The following SYCP1 variants were observed in gnomAD, a reference collection of about 807,000 sequenced individuals.
The protein encoded by SYCP1 is cancer/testis antigen 8.
Under a neutral mutation model 153.1 loss-of-function variants are expected in SYCP1, and 64 were observed. The ratio of observed to expected loss-of-function variants is 0.42; its 90% CI spans 0.34 to 0.51. The LOEUF (loss-of-function observed/expected upper bound fraction) is 0.51. SYCP1 is among the 20% of genes least tolerant of loss of function. SYCP1 has a pLI of 0.06. For synonymous variants in SYCP1, 384 were observed against 341.8 expected (o/e 1.12, Z -1.36); for missense variants, 997 against 1,049.0 (o/e 0.95, Z 0.68).
At chr1:114,907,250 T>A (rs1184006638) in intron 16 of SYCP1, among the ~76,000 whole-genome samples, 1 of 152,186 alleles carries the variant, frequency 6.6e-6, no homozygotes, top group African/African-American at 2.4e-5. Flanking sequence ...TGGGTCTTCT[T>A]TCTTTATGCA....
chr1:114,901,479 C>A (rs1255507876), intron 16 of SYCP1, among the ~76,000 whole-genome samples: 1 of 152,044 alleles, frequency 6.6e-6, no homozygotes, highest in Non-Finnish European at 1.5e-5. Flanking sequence ...CAAGGCAGTG[C>A]GTGGAGGGGA....
At chr1:114,963,094 C>T (rs12142632) in intron 27 of SYCP1, among the ~76,000 whole-genome samples, 30,239 of 152,122 alleles carry the variant, frequency 0.2, 3,483 homozygotes, top group Non-Finnish European at 0.26. Flanking sequence ...TGCCTCACAG[C>T]TCTTAAGATT....
At chr1:114,955,104 A>T (rs963300214) in intron 27 of SYCP1, among the ~76,000 whole-genome samples, 2 of 152,204 alleles carry the variant, frequency 1.3e-5, no homozygotes, top group Non-Finnish European at 2.9e-5. Context: ...GAGTTTTTAA[A>T]AATCGTGAAT....
chr1:114,950,926 G>A (rs973894232), intron 27 of SYCP1, among the ~76,000 whole-genome samples: 1 of 151,284 alleles, frequency 6.6e-6, no homozygotes, highest in African/African-American at 2.4e-5. Context: ...CCGGGTTCAC[G>A]CCATTCTCCT....
chr1:114,943,187 A>T (rs1268406046), intron 23 of SYCP1, among the ~76,000 whole-genome samples: 2 of 151,972 alleles, frequency 1.3e-5, no homozygotes, highest in African/African-American at 2.4e-5. Context: ...TATGGAAAAT[A>T]ATGTCATCTT....
At chr1:114,988,555 C>T (rs1203454084) in intron 30 of SYCP1, among the ~76,000 whole-genome samples, 3 of 151,802 alleles carry the variant, frequency 2.0e-5, no homozygotes, top group Non-Finnish European at 4.4e-5. Flanking sequence ...AATTTTATAT[C>T]CAGCAAAACT....
chr1:114,923,520 G>A lies in SYCP1; in HGVS notation c.1790G>A (p.Ser597Asn), dbSNP rs758710757. The change falls in exon 21 of 32, where the codon AGT (serine) becomes AAT (asparagine). Residue 597 changes from serine (S) to asparagine (N), a missense_variant. Physicochemically the swap from Ser to Asn is conservative, Grantham distance 46 (BLOSUM62 1). Around this residue, in one of 2 missense-constraint regions of SYCP1, gnomAD observed 712 missense variants for 682.9 expected, o/e 1.04. Transcript: ENST00000369522. ...RDEVKCKLDK[S>N]EENCNNLRKQ... is the part of the protein sequence containing the mutation. ...GAAGTTAAATGTAAATTGGACAAGA[G>A]TGAAGAAAATGTATGTTATATTTAA... The A allele has an allele frequency of 3.1e-6, 5 of 1,587,466 alleles. No individual in the cohort carries two copies. The highest frequency in any genetic ancestry group is 4.5e-5 in the East Asian group (2 of 44,104).
Position 114,944,726 on chromosome 1 carries a change from A to C in SYCP1, c.2044-146A>C, listed in dbSNP as rs1209925216. ...TTACTTCATAAAACACCCCGAAAAA[A>C]CCCCAAACAGTGCATTTTCTACTTG... On this transcript the variant is annotated intron_variant, in intron 24 of 31. Transcript: ENST00000369522. The C allele has an allele frequency of 8.9e-6, 6 of 672,930 alleles. No homozygotes were observed. In the South Asian group the frequency reaches 1.0e-4, roughly 11 times the overall value. 41.7% of individuals were successfully genotyped at this position (672,930 alleles called of 1,614,324 possible). A position where few individuals can be genotyped will look rare whatever the true frequency, so the allele number is the denominator to read the frequency against.
intron 27 of SYCP1, among the ~76,000 whole-genome samples, 183 bp from the exon 28 acceptor site, chr1:114,977,370 TAATC>T (rs1201938210): frequency 6.6e-6 from 1 of 151,804 alleles, no homozygotes; most frequent in Non-Finnish European, 1.5e-5. Context: ...AAGGAAGAGA[TAATC>T]AAAACCAAAT....
chr1:114,920,668 G>A (rs1175562383), intron 20 of SYCP1, among the ~76,000 whole-genome samples: 1 of 152,068 alleles, frequency 6.6e-6, no homozygotes, highest in African/African-American at 2.4e-5. Flanking sequence ...AGTGTTGGGT[G>A]CATATATCTT....
intron 23 of SYCP1, among the ~76,000 whole-genome samples, chr1:114,936,020 GAA>G (rs2101784406): frequency 6.6e-6 from 1 of 152,190 alleles, no homozygotes; most frequent in African/African-American, 2.4e-5. Flanking sequence ...CCAATCGATA[GAA>G]AAAGAGGGAA....
At chr1:114,971,797 G>A (rs571794613) in intron 27 of SYCP1, among the ~76,000 whole-genome samples, 2 of 152,238 alleles carry the variant, frequency 1.3e-5, no homozygotes, top group Admixed American at 1.3e-4. Context: ...ATGTTTCAAT[G>A]TGTTGTTGAA....
chr1:114,978,361 A>G (rs1481053389), intron 28 of SYCP1, among the ~76,000 whole-genome samples: 3 of 151,576 alleles, frequency 2.0e-5, no homozygotes, highest in Non-Finnish European at 4.4e-5. Flanking sequence ...GCTGAGCTGT[A>G]TGTGTCCAGC....
intron 27 of SYCP1, among the ~76,000 whole-genome samples, chr1:114,963,979 C>T (rs1671942667): frequency 6.6e-6 from 1 of 152,198 alleles, no homozygotes; most frequent in South Asian, 2.1e-4. Context: ...AACTAATTTA[C>T]ACTCCCACCA....
intron 21 of SYCP1, among the ~76,000 whole-genome samples, chr1:114,923,941 T>A (rs1669082223): frequency 6.6e-6 from 1 of 152,282 alleles, no homozygotes; most frequent in African/African-American, 2.4e-5. Flanking sequence ...GTACAAGATA[T>A]GTGACATGAT....
At chr1:114,969,339 A>T (rs544268604) in intron 27 of SYCP1, among the ~76,000 whole-genome samples, 2 of 152,258 alleles carry the variant, frequency 1.3e-5, no homozygotes, top group African/African-American at 2.4e-5. Context: ...TGCCCTGCCC[A>T]GAGAGGAGGA....
At chr1:114,867,025 T>C (rs1664798419) in intron 8 of SYCP1, among the ~76,000 whole-genome samples, 1 of 152,018 alleles carries the variant, frequency 6.6e-6, no homozygotes, top group Admixed American at 6.6e-5. Context: ...TTTGTTTGGG[T>C]CTATTTGTTA....
chr1:114,947,189 C>A, intron 26 of SYCP1, 57 bp from the exon 27 acceptor site: 1 of 1,281,400 alleles, frequency 7.8e-7, no homozygotes, highest in Non-Finnish European at 1.1e-6. Flanking sequence ...TTTATATTTT[C>A]ATTGTCTTGA....
rs1191731055 is a variant in SYCP1, at chr1:114,892,237, C to A, written c.1259-3211C>A. Reference sequence around the variant, plus strand: ...GTTTATAGGTGCTGGCTCTGGTGGGCAGGGGTGGGGTGATTCCTATGCCCC... The same window carrying A: ...GTTTATAGGTGCTGGCTCTGGTGGGAAGGGGTGGGGTGATTCCTATGCCCC... On this transcript the variant is annotated intron_variant, in intron 15 of 31. Transcript: ENST00000369522. Among the ~76,000 whole-genome samples, 3 of 152,096 alleles carry A rather than the reference C, an allele frequency of 2.0e-5. No homozygotes were observed. In the South Asian group the frequency reaches 6.2e-4, roughly 32 times the overall value.
Sources: gnomAD v4.1 joint callset for allele counts (sites outside exome capture counted in the v4.1 genomes callset) on GRCh38, gnomAD v4.1.1 for gene constraint, gnomAD v4.1.1 regional missense constraint, MANE v1.5 for transcripts, NCBI Gene and HGNC (gene_info 2026-07-23, HGNC 2026-07-21) for gene names.